NLGN1: variants seen among roughly 807,000 people sequenced by gnomAD.
The protein encoded by NLGN1 is neuroligin 1.
Under a neutral mutation model 65.5 loss-of-function variants are expected in NLGN1, and 12 were observed. That is an observed-to-expected ratio of 0.18 (90% CI 0.12 to 0.30). NLGN1 has a LOEUF of 0.30. NLGN1 is among the 10% of genes least tolerant of loss of function. The probability of loss-of-function intolerance (pLI) is 1.00; values close to 1 mark genes in which losing one functional copy is unlikely to be tolerated. For synonymous variants in NLGN1, 350 were observed against 359.5 expected (o/e 0.97, Z 0.30); for missense variants, 750 against 1,007.1 (o/e 0.74, Z 3.46).
intron 3 of NLGN1, among the ~76,000 whole-genome samples, chr3:173,623,277 G>A (rs1754303173): frequency 6.6e-6 from 1 of 151,990 alleles, no homozygotes; most frequent in African/African-American, 2.4e-5. Flanking sequence ...CTGTGTCAAG[G>A]AGTTCAGTCT....
chr3:174,172,940 A>C (rs1728809296), intron 4 of NLGN1, among the ~76,000 whole-genome samples: 4 of 152,078 alleles, frequency 2.6e-5, no homozygotes, highest in Non-Finnish European at 5.9e-5. Flanking sequence ...TTTTTCTTCC[A>C]ATCCATGAAC....
intron 2 of NLGN1, among the ~76,000 whole-genome samples, chr3:173,602,866 A>G (rs9824122): frequency 1.3e-5 from 2 of 152,048 alleles, no homozygotes; most frequent in Non-Finnish European, 2.9e-5. Context: ...TCTTCGATAA[A>G]TGCTAGAGTT....
chr3:174,199,176 A>C (rs925575731), intron 4 of NLGN1, among the ~76,000 whole-genome samples: 1 of 152,128 alleles, frequency 6.6e-6, no homozygotes, highest in Non-Finnish European at 1.5e-5. Flanking sequence ...TTTATGGAGC[A>C]GCTTTTCTGG....
chr3:173,641,305 C>G lies in NLGN1; in HGVS notation c.493+36214C>G, dbSNP rs557045493. On this transcript the variant is annotated intron_variant, in intron 3 of 6. Coordinates refer to ENST00000457714, the Ensembl canonical transcript of NLGN1. ...TTTTGATCCCATTAATATCTGGGTA[C>G]TTCTTTTTATTATTATTATTATTTT... Among the ~76,000 whole-genome samples the G allele has an allele frequency of 2.5e-3, 374 of 152,098 alleles. 2 individuals carry two copies. Among genetic ancestry groups the G allele is most frequent in the South Asian group, 9.6e-3 (46 of 4,816 alleles).
intron 1 of NLGN1, among the ~76,000 whole-genome samples, chr3:173,407,058 T>C (rs56261036): frequency 0.038 from 5,851 of 152,322 alleles, 224 homozygotes; most frequent in African/African-American, 0.097. Context: ...TGTGTCACTT[T>C]GTCCTTAAGA....
chr3:173,649,346 T>C (rs1390803599), intron 3 of NLGN1, among the ~76,000 whole-genome samples: 1 of 152,156 alleles, frequency 6.6e-6, no homozygotes, highest in Non-Finnish European at 1.5e-5. Context: ...AACTATTACA[T>C]GTTACAAGTT....
At chr3:173,795,043 G>C (rs1321017566) in intron 3 of NLGN1, among the ~76,000 whole-genome samples, 1 of 151,730 alleles carries the variant, frequency 6.6e-6, no homozygotes, top group Non-Finnish European at 1.5e-5. Context: ...TTGTGTTTAT[G>C]TGTCTTCTTC....
At chr3:173,423,137 C>T (rs181863942) in intron 1 of NLGN1, among the ~76,000 whole-genome samples, 76 of 152,230 alleles carry the variant, frequency 5.0e-4, no homozygotes, top group Non-Finnish European at 7.5e-4. Flanking sequence ...ACCATCAGAT[C>T]TCACGAGAAC....
chr3:173,436,080 A>T (rs1017270916), intron 2 of NLGN1, among the ~76,000 whole-genome samples: 1 of 152,212 alleles, frequency 6.6e-6, no homozygotes, highest in African/African-American at 2.4e-5. Flanking sequence ...TTATTAGAGC[A>T]TGTCTATAAC....
intron 4 of NLGN1, among the ~76,000 whole-genome samples, chr3:174,216,317 C>A (rs1737588961): frequency 6.6e-6 from 1 of 152,090 alleles, no homozygotes; most frequent in Non-Finnish European, 1.5e-5. Flanking sequence ...GGACATAGGA[C>A]TCCCCAGAAA....
intron 3 of NLGN1, among the ~76,000 whole-genome samples, chr3:173,805,761 T>C (rs1716503955): frequency 6.6e-6 from 1 of 152,170 alleles, no homozygotes; most frequent in African/African-American, 2.4e-5. Context: ...ATGATTTCAG[T>C]TTAATAATTT....
At chr3:174,293,850 T>A in the NLGN1 span, among the ~76,000 whole-genome samples, 2 of 151,588 alleles carry the variant, frequency 1.3e-5, no homozygotes, top group Admixed American at 6.6e-5. Context: ...ATTTTACAAT[T>A]TTTTTTGCTA....
intron 3 of NLGN1, among the ~76,000 whole-genome samples, chr3:173,767,442 A>G (rs190935071): frequency 6.6e-6 from 1 of 152,186 alleles, no homozygotes; most frequent in East Asian, 1.9e-4. Flanking sequence ...ACTCTTGGAA[A>G]GTACAAAGAT....
chr3:174,214,233 C>T (rs1737197256), intron 4 of NLGN1, among the ~76,000 whole-genome samples: 1 of 152,088 alleles, frequency 6.6e-6, no homozygotes, highest in Non-Finnish European at 1.5e-5. Flanking sequence ...ATTATGTTCT[C>T]AGAATTTAAA....
At chr3:173,451,451 G>A (rs561923909) in intron 2 of NLGN1, among the ~76,000 whole-genome samples, 15 of 152,324 alleles carry the variant, frequency 9.8e-5, no homozygotes, top group African/African-American at 3.6e-4. Flanking sequence ...CTGGCCGTGT[G>A]AGGTGTCAGT....
Position 173,539,671 on chromosome 3 carries a change from A to C in NLGN1, c.-320-64608A>C, listed in dbSNP as rs532610390. Among the ~76,000 whole-genome samples, 2 of 140,372 alleles carry C rather than the reference A, an allele frequency of 1.4e-5. 1 individual carries two copies. The highest frequency in any genetic ancestry group is 3.0e-5 in the Non-Finnish European group (2 of 66,124). 92.1% of individuals were successfully genotyped at this position (140,372 alleles called of 152,430 possible). A position where few individuals can be genotyped will look rare whatever the true frequency, so the allele number is the denominator to read the frequency against. ...ATATAACATATGTGTATATATGCAC[A>C]TATATAACATACATATATGTACATA... On this transcript the variant is annotated intron_variant, in intron 2 of 6. Transcript: ENST00000457714.
At chr3:174,171,367 G>A (rs928470546) in intron 4 of NLGN1, among the ~76,000 whole-genome samples, 1 of 151,982 alleles carries the variant, frequency 6.6e-6, no homozygotes. Flanking sequence ...TTAACTATAG[G>A]ACAAAGCCTG....
chr3:173,585,764 G>A (rs1747325398), intron 2 of NLGN1, among the ~76,000 whole-genome samples: 1 of 152,184 alleles, frequency 6.6e-6, no homozygotes, highest in Non-Finnish European at 1.5e-5. Context: ...TGCCTGCCTC[G>A]CCACTTACTG....
At chr3:173,627,327 T>C (rs1754977788) in intron 3 of NLGN1, among the ~76,000 whole-genome samples, 1 of 152,130 alleles carries the variant, frequency 6.6e-6, no homozygotes. Flanking sequence ...GCTTTGCTTA[T>C]TTAACTTAGT....
Sources: allele counts gnomAD v4.1 joint callset (sites outside exome capture counted in the v4.1 genomes callset), GRCh38; gene constraint gnomAD v4.1.1; transcripts MANE v1.5; gene names NCBI Gene and HGNC (gene_info 2026-07-23, HGNC 2026-07-21).